The following ADGRE1 variants were observed in gnomAD, a reference collection of about 807,000 sequenced individuals.
ADGRE1 encodes adhesion G protein-coupled receptor E1, also known as EGF-like module receptor 1.
In ADGRE1, 82 loss-of-function variants were observed where a neutral mutation model predicts 102.7. That is an observed-to-expected ratio of 0.80 (90% CI 0.67 to 0.96). The LOEUF (loss-of-function observed/expected upper bound fraction) is 0.96. Among genes scored for constraint, ADGRE1 ranks in the 40% least tolerant of loss-of-function variants. The pLI, the probability that ADGRE1 is intolerant of heterozygous loss-of-function variation, is 0.00. For synonymous variants in ADGRE1, 398 were observed against 399.6 expected (o/e 1.00, Z 0.05); for missense variants, 1,032 against 1,085.3 (o/e 0.95, Z 0.69).
chr19:6,915,934 A>AC (rs1270531283), intron 11 of ADGRE1, among the ~76,000 whole-genome samples: 6,783 of 147,846 alleles, frequency 0.046, 229 homozygotes, highest in Admixed American at 0.057. Flanking sequence ...AAAAAAAAAA[A>AC]AAAAAAAAAA....
chr19:6,903,832 G>A lies in ADGRE1; in HGVS notation c.684G>A (p.Met228Ile). ...CAGATATTGATGAATGCACTGAAAT[G>A]TGCCCCATCAATTCAACATGCACCA... ...SCEDIDECTE[M>I]CPINSTCTNT... Residue 228 changes from methionine (M) to isoleucine (I), a missense_variant, in exon 7 of 21, where the codon ATG (methionine) becomes ATA (isoleucine). Physicochemically the swap from Met to Ile is conservative, Grantham distance 10. Transcript: ENST00000312053. The A allele has an allele frequency of 5.0e-6, 8 of 1,614,096 alleles. No individual in the cohort carries two copies. The highest frequency in any genetic ancestry group is 1.3e-5 in the African/African-American group (1 of 75,018).
At chr19:6,898,462 G>A in intron 5 of ADGRE1, 1 of 1,592,398 alleles carries the variant, frequency 6.3e-7, no homozygotes, top group Non-Finnish European at 8.6e-7. Context: ...CTCCTGTACT[G>A]GTGATGCCCT....
chr19:6,915,292 C>G (rs1974333458), intron 11 of ADGRE1, among the ~76,000 whole-genome samples: 1 of 152,138 alleles, frequency 6.6e-6, no homozygotes, highest in African/African-American at 2.4e-5. Flanking sequence ...CAGGCCTGAA[C>G]CACTGTACTC....
chr19:6,904,416 T>C (rs1973877385), intron 8 of ADGRE1, among the ~76,000 whole-genome samples: 1 of 152,070 alleles, frequency 6.6e-6, no homozygotes, highest in South Asian at 2.1e-4. Flanking sequence ...CTGAATATCA[T>C]AGGCATGCTT....
At chr19:6,901,246 T>A (rs900463454) in intron 5 of ADGRE1, among the ~76,000 whole-genome samples, 20 of 152,194 alleles carry the variant, frequency 1.3e-4, no homozygotes, top group African/African-American at 4.8e-4. Flanking sequence ...ATTGTTACAT[T>A]ATTACAAGGA....
intron 14 of ADGRE1, among the ~76,000 whole-genome samples, chr19:6,923,835 A>G (rs377283626): frequency 4.7e-3 from 497 of 104,748 alleles, no homozygotes; most frequent in Middle Eastern, 0.031. Flanking sequence ...CACTGCGCCC[A>G]GCCAATGGTC....
In ADGRE1 at chr19:6,940,063, C is replaced by T; in HGVS notation, c.*34C>T. 6.2e-7 allele frequency: 1 copy of T among 1,612,162 alleles called. No individual in the cohort carries two copies. The highest frequency in any genetic ancestry group is 1.7e-5 in the Admixed American group (1 of 59,878). ...CTTGCTTTCAAATATGCTATGGAGC[C>T]ACAGTTGAGGACAGTAGTTTCCTGC... On this transcript the variant is annotated 3_prime_UTR_variant, in exon 21 of 21. Transcript: ENST00000312053.
intron 11 of ADGRE1, among the ~76,000 whole-genome samples, 193 bp from the exon 12 acceptor site, chr19:6,916,056 G>C (rs1042473563): frequency 6.6e-6 from 1 of 152,102 alleles, no homozygotes; most frequent in Admixed American, 6.6e-5. Context: ...CTCCAGCTGG[G>C]TTACTCATTT....
At chr19:6,888,911 C>G (rs966604395) in intron 1 of ADGRE1, among the ~76,000 whole-genome samples, 2 of 151,958 alleles carry the variant, frequency 1.3e-5, no homozygotes, top group African/African-American at 4.8e-5. Context: ...CTATTCTGCC[C>G]TGAAGATAAT....
intron 12 of ADGRE1, among the ~76,000 whole-genome samples, chr19:6,918,388 C>T (rs113261442): frequency 3.9e-5 from 6 of 152,110 alleles, no homozygotes; most frequent in African/African-American, 1.4e-4. Context: ...TTGCAGTGAG[C>T]CGAGAACCTG....
At chr19:6,905,253 T>C (rs954387419) in intron 8 of ADGRE1, among the ~76,000 whole-genome samples, 1 of 151,858 alleles carries the variant, frequency 6.6e-6, no homozygotes, top group Non-Finnish European at 1.5e-5. Flanking sequence ...GAGGCTGAGG[T>C]GGGAGGATCG....
chr19:6,925,385 A>G (rs1368298457), intron 15 of ADGRE1, among the ~76,000 whole-genome samples: 1 of 152,168 alleles, frequency 6.6e-6, no homozygotes, highest in Non-Finnish European at 1.5e-5. Flanking sequence ...GGTCTCCCAA[A>G]GTGCTGGGAT....
intron 14 of ADGRE1, among the ~76,000 whole-genome samples, chr19:6,924,024 A>T (rs1374985478): frequency 6.6e-6 from 1 of 151,634 alleles, no homozygotes; most frequent in Admixed American, 6.6e-5. Context: ...AAGTTGAAGC[A>T]TTCCTGAATG....
At chr19:6,920,461 C>T (rs1599750123) in intron 13 of ADGRE1, among the ~76,000 whole-genome samples, 1 of 150,546 alleles carries the variant, frequency 6.6e-6, no homozygotes, top group South Asian at 2.1e-4. Flanking sequence ...CCTCGTGATC[C>T]GCCCGCTTTG....
intron 12 of ADGRE1, among the ~76,000 whole-genome samples, chr19:6,917,684 G>C (rs566747180): frequency 6.8e-6 from 1 of 148,112 alleles, no homozygotes; most frequent in African/African-American, 2.5e-5. Context: ...AGGCTGCAGT[G>C]AGCTGAGATC....
chr19:6,908,672 T>C lies in ADGRE1; in HGVS notation c.1039-17T>C. 6.3e-7 allele frequency: 1 copy of C among 1,580,570 alleles called. No homozygotes were observed. The highest frequency in any genetic ancestry group is 2.0e-5 in the Admixed American group (1 of 49,866). On this transcript the variant is annotated splice_polypyrimidine_tract_variant and intron_variant, in intron 9 of 20. Coordinates refer to ENST00000312053, the MANE Select transcript of ADGRE1 (RefSeq NM_001974.5). Reference sequence around the variant, plus strand: ...TCATGCTCACAAATGCTCTTTTTTTTTTTTTCTGGGACGCAGGTCTCCTTT... The same window carrying C: ...TCATGCTCACAAATGCTCTTTTTTTCTTTTTCTGGGACGCAGGTCTCCTTT...
Position 6,937,224 on chromosome 19 carries a change from C to G in ADGRE1, c.2382-19C>G. On this transcript the variant is annotated intron_variant, in intron 18 of 20. Coordinates refer to ENST00000312053, the MANE Select transcript of ADGRE1 (RefSeq NM_001974.5). ...TAGCCACCTCCCAGAGCCTTACATG[C>G]TGTACATCTTCTCCCCAGGTTACTG... 1 of 1,608,496 alleles carries G rather than the reference C, an allele frequency of 6.2e-7. No homozygotes were observed. The highest frequency in any genetic ancestry group is 8.5e-7 in the Non-Finnish European group (1 of 1,176,690).
chr19:6,926,272 G>A (rs1599759255), intron 15 of ADGRE1, 94 bp from the exon 16 acceptor site: 2 of 1,358,182 alleles, frequency 1.5e-6, no homozygotes, highest in East Asian at 2.4e-5. Flanking sequence ...GCTAGGTTTG[G>A]GGAATTTCCA....
Position 6,913,700 on chromosome 19 carries a change from G to A in ADGRE1, c.1170G>A (p.Trp390Ter). ...CTGTGCTTAAACAAATATCCACGTG[G>A]ACTAAATTCACCAAGGAAGAGACGT... ...FVPVLKQIST[W>*]TKFTKEETSS... Residue 390 changes from tryptophan to a stop codon, truncating the protein, a stop_gained, in exon 11 of 21, where the codon TGG becomes TGA. Transcript: ENST00000312053. LOFTEE classifies it high-confidence loss of function. The A allele has an allele frequency of 6.2e-7, 1 of 1,612,826 alleles. No homozygotes were observed. Among genetic ancestry groups the A allele is most frequent in the Non-Finnish European group, 8.5e-7 (1 of 1,179,284 alleles).
Sources: gnomAD v4.1 joint callset for allele counts (sites outside exome capture counted in the v4.1 genomes callset) on GRCh38, gnomAD v4.1.1 for gene constraint, MANE v1.5 for transcripts, NCBI Gene and HGNC (gene_info 2026-07-23, HGNC 2026-07-21) for gene names.